The following LRP1B variants were observed in gnomAD, a reference collection of about 807,000 sequenced individuals.
LRP1B encodes the protein LDL receptor related protein 1B, also known as low-density lipoprotein receptor-related protein 1B.
LRP1B carries 217 observed loss-of-function variants against 556.6 expected under a neutral mutation model. That is an observed-to-expected ratio of 0.39 (90% CI 0.35 to 0.44). LRP1B has a LOEUF of 0.44. Among genes scored for constraint, LRP1B ranks in the 20% least tolerant of loss-of-function variants. The probability of loss-of-function intolerance (pLI) is 1.00; values close to 1 mark genes in which losing one functional copy is unlikely to be tolerated. For synonymous variants in LRP1B, 2,047 were observed against 1,865.8 expected (o/e 1.10, Z -2.50); for missense variants, 5,053 against 5,620.8 (o/e 0.90, Z 3.23).
intron 84 of LRP1B, among the ~76,000 whole-genome samples, chr2:140,297,229 G>C (rs1683644962): frequency 6.6e-6 from 1 of 152,120 alleles, no homozygotes; most frequent in African/African-American, 2.4e-5. Flanking sequence ...TCTTTAGATG[G>C]TTTCTATTCA....
At chr2:142,091,152 C>A (rs1453882962) in intron 1 of LRP1B, among the ~76,000 whole-genome samples, 2 of 152,068 alleles carry the variant, frequency 1.3e-5, no homozygotes, top group South Asian at 2.1e-4. Flanking sequence ...AAGAAGACTG[C>A]TCATCTTTAA....
At chr2:141,050,193 T>C (rs1440031250) in intron 10 of LRP1B, among the ~76,000 whole-genome samples, 2 of 151,752 alleles carry the variant, frequency 1.3e-5, no homozygotes, top group African/African-American at 4.8e-5. Flanking sequence ...TATTAAAATT[T>C]GGAAAATAAT....
intron 3 of LRP1B, among the ~76,000 whole-genome samples, chr2:141,437,667 A>G (rs574518505): frequency 6.6e-6 from 1 of 152,054 alleles, no homozygotes; most frequent in South Asian, 2.1e-4. Context: ...GTATTTTTCA[A>G]ACTGCATTGG....
intron 1 of LRP1B, among the ~76,000 whole-genome samples, chr2:141,812,489 G>A (rs186979083): frequency 6.6e-6 from 1 of 152,108 alleles, no homozygotes; most frequent in Admixed American, 6.6e-5. Context: ...ATTGTTATGT[G>A]GAGAGGGGAA....
intron 2 of LRP1B, among the ~76,000 whole-genome samples, chr2:141,806,582 A>G (rs1218166476): frequency 6.6e-6 from 1 of 152,002 alleles, no homozygotes; most frequent in Non-Finnish European, 1.5e-5. Context: ...CTCACACAAC[A>G]GTTTTCTATG....
intron 3 of LRP1B, among the ~76,000 whole-genome samples, chr2:141,278,145 T>C (rs1200214934): frequency 6.6e-6 from 1 of 152,178 alleles, no homozygotes; most frequent in Non-Finnish European, 1.5e-5. Flanking sequence ...ATATGTACTC[T>C]ACAAAGGTAA....
intron 3 of LRP1B, among the ~76,000 whole-genome samples, chr2:141,388,300 G>T (rs1204268519): frequency 6.6e-6 from 1 of 152,098 alleles, no homozygotes; most frequent in Non-Finnish European, 1.5e-5. Flanking sequence ...GCTGGGTATG[G>T]TGGTGGGTGC....
intron 2 of LRP1B, among the ~76,000 whole-genome samples, chr2:141,541,181 C>A (rs1180784191): frequency 6.6e-6 from 1 of 151,982 alleles, no homozygotes; most frequent in Non-Finnish European, 1.5e-5. Flanking sequence ...ATGTCAATTT[C>A]TTCAACAAAC....
At chr2:140,338,554 G>A (rs1681214527) in intron 77 of LRP1B, among the ~76,000 whole-genome samples, 1 of 151,648 alleles carries the variant, frequency 6.6e-6, no homozygotes, top group Non-Finnish European at 1.5e-5. Flanking sequence ...TTCACATCTT[G>A]ACCAGGATTC....
intron 77 of LRP1B, among the ~76,000 whole-genome samples, chr2:140,340,584 A>G (rs1215707136): frequency 1.3e-5 from 2 of 151,612 alleles, no homozygotes; most frequent in Non-Finnish European, 3.0e-5. Context: ...AAACATGCAT[A>G]ACATTCGAGA....
At chr2:140,495,313 CTT>C (rs10536858) in intron 56 of LRP1B, among the ~76,000 whole-genome samples, 30,649 of 133,564 alleles carry the variant, frequency 0.23, 3,238 homozygotes, top group African/African-American at 0.26. Flanking sequence ...AGAGATAGTT[CTT>C]TTTTTTTTTT....
chr2:141,528,893 A>G (rs1198081040), intron 2 of LRP1B, among the ~76,000 whole-genome samples: 1 of 152,226 alleles, frequency 6.6e-6, no homozygotes, highest in Non-Finnish European at 1.5e-5. Flanking sequence ...ACATATAAAG[A>G]TCTTCTATTT....
At chr2:140,769,094 G>A (rs972135481) in intron 35 of LRP1B, 119 bp downstream of exon 35, 3 of 889,662 alleles carry the variant, frequency 3.4e-6, no homozygotes, top group South Asian at 3.1e-5. Context: ...TTATCTATTT[G>A]CTGCTTTCTT....
chr2:141,530,021 G>A (rs1450659651), intron 2 of LRP1B, among the ~76,000 whole-genome samples: 1 of 152,104 alleles, frequency 6.6e-6, no homozygotes, highest in East Asian at 1.9e-4. Flanking sequence ...ATAAAAGGGA[G>A]TTATTGTGAA....
At chr2:141,292,928 T>C (rs1686033206) in intron 3 of LRP1B, among the ~76,000 whole-genome samples, 1 of 152,136 alleles carries the variant, frequency 6.6e-6, no homozygotes, top group South Asian at 2.1e-4. Flanking sequence ...ACCCTATTAG[T>C]TTATCATAAA....
intron 5 of LRP1B, among the ~76,000 whole-genome samples, chr2:141,240,812 C>T (rs1439573275): frequency 1.3e-5 from 2 of 151,950 alleles, no homozygotes; most frequent in East Asian, 3.9e-4. Flanking sequence ...AAGTTCTCAG[C>T]CAGATTGCAA....
chr2:140,303,012 CATATATATATATATATAT>C (rs59878403), intron 83 of LRP1B, among the ~76,000 whole-genome samples: 12,508 of 82,886 alleles, frequency 0.15, 1,310 homozygotes, highest in African/African-American at 0.33. Context: ...AAATCTCCTT[CATATATATATATATATAT>C]ATATATATAT....
At chr2:140,552,762 T>C (rs1194490222) in intron 43 of LRP1B, among the ~76,000 whole-genome samples, 4 of 152,168 alleles carry the variant, frequency 2.6e-5, no homozygotes, top group Admixed American at 6.6e-5. Flanking sequence ...AATGGGTTCA[T>C]GTTTCAAAAT....
At chr2:141,015,187 C>CA (rs1165569821) in intron 13 of LRP1B, among the ~76,000 whole-genome samples, 1 of 152,018 alleles carries the variant, frequency 6.6e-6, no homozygotes, top group East Asian at 1.9e-4. Flanking sequence ...AATCATTTTG[C>CA]AGTTACTCTA....
Sources: allele counts gnomAD v4.1 joint callset (sites outside exome capture counted in the v4.1 genomes callset), GRCh38; gene constraint gnomAD v4.1.1; transcripts MANE v1.5; gene names NCBI Gene and HGNC (gene_info 2026-07-23, HGNC 2026-07-21).